Variants in FOXD3 observed in about 807,000 individuals in gnomAD.
FOXD3 encodes forkhead box protein D3.
FOXD3 carries 3 observed loss-of-function variants against 3.6 expected under a neutral mutation model. That is an observed-to-expected ratio of 0.84 (90% CI 0.38 to 2.18). The LOEUF is 2.18. Ranked by LOEUF, FOXD3 falls within the 30% of genes most tolerant of loss-of-function variation. The probability of loss-of-function intolerance (pLI) is 0.06; values close to 1 mark genes in which losing one functional copy is unlikely to be tolerated. For missense variants in FOXD3, 686 were observed against 731.6 expected (o/e 0.94, Z 0.72); for synonymous variants, 391 against 360.9 (o/e 1.08, Z -0.94).
chr1:63,324,228 T>C lies in FOXD3; in HGVS notation c.1170T>C (p.Ala390=). The change falls in exon 1 of 1, where the codon GCT becomes GCC. Residue 390 remains alanine (A), a synonymous_variant. Transcript: ENST00000371116. This position sits in a 1 kb window ranked among gnomAD's most constrained non-coding sequence, Gnocchi z 4.1. ...IENIIGGGPA[A]PGGSAVGAGV... is the part of the protein sequence containing the mutation. ...ACATCATAGGTGGGGGCCCCGCGGC[T>C]CCTGGGGGCTCGGCGGTGGGCGCTG... is the stretch of plus-strand genomic sequence containing the variant. 2 of 1,441,924 alleles carry C rather than the reference T, an allele frequency of 1.4e-6. No individual in the cohort carries two copies. The highest frequency in any genetic ancestry group is 1.8e-6 in the Non-Finnish European group (2 of 1,109,010). 89.3% of individuals were successfully genotyped at this position (1,441,924 alleles called of 1,614,324 possible). A position where few individuals can be genotyped will look rare whatever the true frequency, so the allele number is the denominator to read the frequency against.
In FOXD3 at chr1:63,323,332, C is replaced by G. The variant is rs1346457426; in HGVS notation, c.274C>G (p.Pro92Ala). The change falls in exon 1 of 1, where the codon CCG becomes GCG. Residue 92 changes from proline to alanine, a missense_variant. Pro to Ala is a conservative substitution (Grantham distance 27). Around this residue, in one of 3 missense-constraint regions of FOXD3, gnomAD observed 232 missense variants for 214.0 expected, o/e 1.08. Coordinates refer to ENST00000371116, the MANE Select transcript of FOXD3 (RefSeq NM_012183.3). This position sits in a 1 kb window ranked among gnomAD's most constrained non-coding sequence, Gnocchi z 6.8. The stretch of plus-strand genomic sequence containing the variant: ...GGAGGCGGCCGGAGCCGGGGCCGGA[C>G]CGGGGGGCGACGTGGGCGCGCCGGA... Reference protein sequence around the residue: ...PKEAAGAGAGPGGDVGAPEAD... With the variant: ...PKEAAGAGAGAGGDVGAPEAD... 1.5e-6 allele frequency: 2 copies of G among 1,355,082 alleles called. No homozygotes were observed. Among genetic ancestry groups the G allele is most frequent in the South Asian group, 3.9e-5 (2 of 51,456 alleles). 83.9% of individuals were successfully genotyped at this position (1,355,082 alleles called of 1,614,324 possible).
chr1:63,324,018 G>A lies in FOXD3; in HGVS notation c.960G>A (p.Leu320=). The A allele has an allele frequency of 2.2e-6, 3 of 1,359,828 alleles. No homozygotes were observed. Among genetic ancestry groups the A allele is most frequent in the South Asian group, 1.8e-5 (1 of 55,080 alleles). The allele number at this position is 1,359,828 out of a possible 1,614,324, so 84.2% of individuals were successfully genotyped here. A position where few individuals can be genotyped will look rare whatever the true frequency, so the allele number is the denominator to read the frequency against. Residue 320 remains leucine, a synonymous_variant, in exon 1 of 1, where the codon CTG becomes CTA. Coordinates refer to ENST00000371116, the MANE Select transcript of FOXD3 (RefSeq NM_012183.3). This position sits in a 1 kb window ranked among gnomAD's most constrained non-coding sequence, Gnocchi z 4.1. ...CGGTGCTGCCTCCCGCTGTGCCGCT[G>A]CTGCCCTCGGGCGAGCTGGGCCGCA... ...VAPVLPPAVP[L]LPSGELGRKA... is the part of the protein sequence containing the mutation.
rs368708902 is a variant in FOXD3, at chr1:63,322,880, GGCC to G, written c.-174_-172del. On this transcript the variant is annotated 5_prime_UTR_variant, in exon 1 of 1. Coordinates refer to ENST00000371116, the MANE Select transcript of FOXD3 (RefSeq NM_012183.3). ...GCAGAGCCCGCGCCACGCGATGCGGGGCCGCCGAGTGTGAGCTGAGCCCAGCGG... is the reference window on the plus strand; with the variant it reads ...GCAGAGCCCGCGCCACGCGATGCGGGGCCGAGTGTGAGCTGAGCCCAGCGG... 168 of 985,380 alleles carry G rather than the reference GGCC, an allele frequency of 1.7e-4. 4 individuals carry two copies. The East Asian group carries it at 0.014, about 85-fold the overall frequency. 61.0% of individuals were successfully genotyped at this position (985,380 alleles called of 1,614,324 possible).
Position 63,324,024 on chromosome 1 carries a change from C to G in FOXD3, c.966C>G (p.Pro322=). The G allele has an allele frequency of 7.3e-7, 1 of 1,368,436 alleles. No homozygotes were observed. The highest frequency in any genetic ancestry group is 9.4e-7 in the Non-Finnish European group (1 of 1,066,176). 84.8% of individuals were successfully genotyped at this position (1,368,436 alleles called of 1,614,324 possible). A position where few individuals can be genotyped will look rare whatever the true frequency, so the allele number is the denominator to read the frequency against. The change falls in exon 1 of 1, where the codon CCC becomes CCG. Residue 322 remains proline (P), a synonymous_variant. Coordinates refer to ENST00000371116, the MANE Select transcript of FOXD3 (RefSeq NM_012183.3). This position sits in a 1 kb window ranked among gnomAD's most constrained non-coding sequence, Gnocchi z 4.1. ...TGCCTCCCGCTGTGCCGCTGCTGCC[C>G]TCGGGCGAGCTGGGCCGCAAAGCGG... ...PVLPPAVPLL[P]SGELGRKAAA...
At position 63,323,011 on chromosome 1, in the gene FOXD3, C is replaced by T. The variant is rs72912791; in HGVS notation, c.-48C>T. The T allele has an allele frequency of 0.019, 29,100 of 1,508,552 alleles. 1,241 individuals carry two copies. The highest frequency in any genetic ancestry group is 0.13 in the South Asian group (10,800 of 81,826). 93.4% of individuals were successfully genotyped at this position (1,508,552 alleles called of 1,614,324 possible). On this transcript the variant is annotated 5_prime_UTR_variant, in exon 1 of 1. Transcript: ENST00000371116. The surrounding 1 kb of genome is among the most constrained non-coding windows in gnomAD (Gnocchi z 6.8). The stretch of plus-strand genomic sequence containing the variant: ...CTCCGTGGCAGCCCCCGAACACCCT[C>T]ATCGCCCGCTGCCCCCTCCCCGCCG...
chr1:63,324,563 C>T lies in FOXD3; in HGVS notation c.*68C>T, dbSNP rs1320877274. ...GAGCAACAAATGCACCTCCAGGCTG[C>T]GCGCCCTGTCCCAAGCCCGGTCCCG... On this transcript the variant is annotated 3_prime_UTR_variant, in exon 1 of 1. Transcript: ENST00000371116. The surrounding 1 kb of genome is among the most constrained non-coding windows in gnomAD (Gnocchi z 4.1). 3 of 1,217,908 alleles carry T rather than the reference C, an allele frequency of 2.5e-6. No individual in the cohort carries two copies. The highest frequency in any genetic ancestry group is 3.5e-6 in the Non-Finnish European group (3 of 859,282). 75.4% of individuals were successfully genotyped at this position (1,217,908 alleles called of 1,614,324 possible).
At position 63,324,456 on chromosome 1, in the gene FOXD3, T is replaced by C; in HGVS notation, c.1398T>C (p.Ala466=). Residue 466 remains alanine, a synonymous_variant, in exon 1 of 1, where the codon GCT becomes GCC. Coordinates refer to ENST00000371116, the MANE Select transcript of FOXD3 (RefSeq NM_012183.3). The surrounding 1 kb of genome is among the most constrained non-coding windows in gnomAD (Gnocchi z 4.1). ...FLQPAASAAA[A]AAAAAQAKWP... ...AGCCCGCAGCCTCGGCCGCCGCCGC[T>C]GCTGCGGCCGCCGCTCAAGCCAAAT... 1 of 1,537,872 alleles carries C rather than the reference T, an allele frequency of 6.5e-7. No individual in the cohort carries two copies. Among genetic ancestry groups the C allele is most frequent in the African/African-American group, 1.4e-5 (1 of 72,998 alleles).
Position 63,322,944 on chromosome 1 carries a change from G to GC in FOXD3, c.-109dup, listed in dbSNP as rs543752606. 2.1e-6 allele frequency: 3 copies of GC among 1,400,828 alleles called. No individual in the cohort carries two copies. The highest frequency in any genetic ancestry group is 2.8e-6 in the Non-Finnish European group (3 of 1,081,980). 86.8% of individuals were successfully genotyped at this position (1,400,828 alleles called of 1,614,324 possible). On this transcript the variant is annotated 5_prime_UTR_variant, in exon 1 of 1. Coordinates refer to ENST00000371116, the MANE Select transcript of FOXD3 (RefSeq NM_012183.3). The stretch of plus-strand genomic sequence containing the variant: ...ACCTGCGGCCCCCTCCCCTCTCCCT[G>GC]CCCCCCATCTTTCGGGGGCACTCAA...
In FOXD3 at chr1:63,322,933, C is replaced by G; in HGVS notation, c.-126C>G. 7.1e-7 allele frequency: 1 copy of G among 1,399,166 alleles called. No homozygotes were observed. The highest frequency in any genetic ancestry group is 9.2e-7 in the Non-Finnish European group (1 of 1,082,330). The allele number at this position is 1,399,166 out of a possible 1,614,324, so 86.7% of individuals were successfully genotyped here. On this transcript the variant is annotated 5_prime_UTR_variant, in exon 1 of 1. Transcript: ENST00000371116. ...GGCCCCAAGCCACCTGCGGCCCCCT[C>G]CCCTCTCCCTGCCCCCCATCTTTCG...
rs1557561812 is a variant in FOXD3, at chr1:63,323,957, C to T, written c.899C>T (p.Ala300Val). 2.4e-6 allele frequency: 3 copies of T among 1,244,434 alleles called. No homozygotes were observed. Among genetic ancestry groups the T allele is most frequent in the Non-Finnish European group, 3.0e-6 (3 of 999,818 alleles). 77.1% of individuals were successfully genotyped at this position (1,244,434 alleles called of 1,614,324 possible). A position where few individuals can be genotyped will look rare whatever the true frequency, so the allele number is the denominator to read the frequency against. Reference sequence around the variant, plus strand: ...GCGGCGGCCGCGGCTGCTGCGGCGGCGCTCCAGTACCCGTACGCGCTGCCG... The same window carrying T: ...GCGGCGGCCGCGGCTGCTGCGGCGGTGCTCCAGTACCCGTACGCGCTGCCG... ...AAAAAAAAAA[A>V]LQYPYALPPV... The change falls in exon 1 of 1, where the codon GCG (alanine) becomes GTG (valine). Residue 300 changes from alanine (A) to valine (V), a missense_variant. Ala to Val is a moderately conservative substitution (Grantham distance 64). Coordinates refer to ENST00000371116, the MANE Select transcript of FOXD3 (RefSeq NM_012183.3). This position sits in a 1 kb window ranked among gnomAD's most constrained non-coding sequence, Gnocchi z 6.8.
Position 63,322,624 on chromosome 1 carries a change from GC to G in FOXD3, c.-428del, listed in dbSNP as rs911078102. The stretch of plus-strand genomic sequence containing the variant: ...CGGCGTCCCTGACACCCAGCCCCCT[GC>G]CCCCCCGCTACTGTCCCTGCCCGCG... On this transcript the variant is annotated 5_prime_UTR_variant, in exon 1 of 1. Coordinates refer to ENST00000371116, the MANE Select transcript of FOXD3 (RefSeq NM_012183.3). The G allele has an allele frequency of 4.2e-6, 4 of 948,326 alleles. No homozygotes were observed. The highest frequency in any genetic ancestry group is 1.8e-5 in the African/African-American group (1 of 56,420). The allele number at this position is 948,326 out of a possible 1,614,324, so 58.7% of individuals were successfully genotyped here.
In FOXD3 at chr1:63,324,453, C is replaced by T. The variant is rs779197983; in HGVS notation, c.1395C>T (p.Ala465=). 5 of 1,538,948 alleles carry T rather than the reference C, an allele frequency of 3.2e-6. No individual in the cohort carries two copies. Among genetic ancestry groups the T allele is most frequent in the South Asian group, 2.4e-5 (2 of 84,174 alleles). Residue 465 remains alanine, a synonymous_variant, in exon 1 of 1, where the codon GCC becomes GCT. Coordinates refer to ENST00000371116, the MANE Select transcript of FOXD3 (RefSeq NM_012183.3). The surrounding 1 kb of genome is among the most constrained non-coding windows in gnomAD (Gnocchi z 4.1). Reference sequence around the variant, plus strand: ...TGCAGCCCGCAGCCTCGGCCGCCGCCGCTGCTGCGGCCGCCGCTCAAGCCA... The same window carrying T: ...TGCAGCCCGCAGCCTCGGCCGCCGCTGCTGCTGCGGCCGCCGCTCAAGCCA... ...QFLQPAASAA[A]AAAAAAQAKW... is the part of the protein sequence containing the mutation.
At position 63,323,428 on chromosome 1, in the gene FOXD3, AGCGGTTCG is replaced by A; in HGVS notation, c.375_382del (p.Ser126ArgfsTer219). The A allele has an allele frequency of 6.4e-7, 1 of 1,560,788 alleles. No homozygotes were observed. Among genetic ancestry groups the A allele is most frequent in the Non-Finnish European group, 8.6e-7 (1 of 1,156,534 alleles). ...GAGCGGCGGCGGGCCTGGCGCGGGC[AGCGGTTCG>A]GCGGGAGGCCTGGCCCCGAGCAAGC... On this transcript the variant is annotated frameshift_variant, in exon 1 of 1. Coordinates refer to ENST00000371116, the MANE Select transcript of FOXD3 (RefSeq NM_012183.3). LOFTEE classifies it low-confidence loss of function (END_TRUNC). The surrounding 1 kb of genome is among the most constrained non-coding windows in gnomAD (Gnocchi z 6.8).
Position 63,323,493 on chromosome 1 carries a change from G to T in FOXD3, c.435G>T (p.Ser145=). 1.2e-6 allele frequency: 2 copies of T among 1,613,980 alleles called. No individual in the cohort carries two copies. The highest frequency in any genetic ancestry group is 2.2e-5 in the East Asian group (1 of 44,842). ...PKNSLVKPPY[S]YIALITMAIL... is the part of the protein sequence containing the mutation. ...ACAGCCTAGTGAAGCCGCCTTACTC[G>T]TACATCGCGCTCATCACCATGGCCA... The change falls in exon 1 of 1, where the codon TCG becomes TCT. Residue 145 remains serine, a synonymous_variant. Transcript: ENST00000371116. The surrounding 1 kb of genome is among the most constrained non-coding windows in gnomAD (Gnocchi z 6.8).
At position 63,322,978 on chromosome 1, in the gene FOXD3, C is replaced by A. The variant is rs1647036811; in HGVS notation, c.-81C>A. On this transcript the variant is annotated 5_prime_UTR_variant, in exon 1 of 1. Transcript: ENST00000371116. ...CTTTCGGGGGCACTCAAACCCTCTTCCCCTGAGCTCCGTGGCAGCCCCCGA... is the reference window on the plus strand; with the variant it reads ...CTTTCGGGGGCACTCAAACCCTCTTACCCTGAGCTCCGTGGCAGCCCCCGA... 1 of 1,468,678 alleles carries A rather than the reference C, an allele frequency of 6.8e-7. No homozygotes were observed. The highest frequency in any genetic ancestry group is 1.5e-5 in the African/African-American group (1 of 68,704). The allele number at this position is 1,468,678 out of a possible 1,614,324, so 91.0% of individuals were successfully genotyped here.
In FOXD3 at chr1:63,323,491, T is replaced by C. The variant is rs1647045888; in HGVS notation, c.433T>C (p.Ser145Pro). The C allele has an allele frequency of 6.2e-7, 1 of 1,613,764 alleles. No homozygotes were observed. The highest frequency in any genetic ancestry group is 1.3e-5 in the African/African-American group (1 of 74,896). ...PKNSLVKPPYSYIALITMAIL... is the reference protein window; with the variant it reads ...PKNSLVKPPYPYIALITMAIL... Reference sequence around the variant, plus strand: ...GAACAGCCTAGTGAAGCCGCCTTACTCGTACATCGCGCTCATCACCATGGC... The same window carrying C: ...GAACAGCCTAGTGAAGCCGCCTTACCCGTACATCGCGCTCATCACCATGGC... Residue 145 changes from serine to proline, a missense_variant, in exon 1 of 1, where the codon TCG (serine) becomes CCG (proline). Transcript: ENST00000371116. The surrounding 1 kb of genome is among the most constrained non-coding windows in gnomAD (Gnocchi z 6.8).
In FOXD3 at chr1:63,323,595, G is replaced by A; in HGVS notation, c.537G>A (p.Arg179=). Residue 179 remains arginine (R), a synonymous_variant, in exon 1 of 1, where the codon AGG becomes AGA. Transcript: ENST00000371116. The surrounding 1 kb of genome is among the most constrained non-coding windows in gnomAD (Gnocchi z 6.8). ...TCAGCAACCGCTTCCCCTACTACAG[G>A]GAGAAGTTCCCCGCCTGGCAGAACA... ...EFISNRFPYY[R]EKFPAWQNSI... 1 of 1,614,114 alleles carries A rather than the reference G, an allele frequency of 6.2e-7. No homozygotes were observed. The highest frequency in any genetic ancestry group is 1.1e-5 in the South Asian group (1 of 91,084).
In FOXD3 at chr1:63,323,700, C is replaced by T. The variant is rs751333747; in HGVS notation, c.642C>T (p.Tyr214=). Residue 214 remains tyrosine, a synonymous_variant, in exon 1 of 1, where the codon TAC becomes TAT. Transcript: ENST00000371116. The surrounding 1 kb of genome is among the most constrained non-coding windows in gnomAD (Gnocchi z 6.8). ...CGGGCAACCCGGGCAAGGGCAACTA[C>T]TGGACCCTGGACCCGCAGTCCGAGG... ...REPGNPGKGN[Y]WTLDPQSEDM... 5.0e-6 allele frequency: 8 copies of T among 1,613,948 alleles called. No individual in the cohort carries two copies. The highest frequency in any genetic ancestry group is 6.8e-6 in the Non-Finnish European group (8 of 1,179,992).
At position 63,323,076 on chromosome 1, in the gene FOXD3, C is replaced by T. The variant is rs750114698; in HGVS notation, c.18C>T (p.Gly6=). MTLSG[G]GSASDMSGQT... ...GAGGAGGGATGACCCTCTCCGGCGGCGGCAGCGCCAGCGACATGTCCGGCC... is the reference window on the plus strand; with the variant it reads ...GAGGAGGGATGACCCTCTCCGGCGGTGGCAGCGCCAGCGACATGTCCGGCC... The change falls in exon 1 of 1, where the codon GGC becomes GGT. Residue 6 remains glycine, a synonymous_variant. Transcript: ENST00000371116. The surrounding 1 kb of genome is among the most constrained non-coding windows in gnomAD (Gnocchi z 6.8). 5.9e-5 allele frequency: 92 copies of T among 1,546,480 alleles called. No individual in the cohort carries two copies. The highest frequency in any genetic ancestry group is 7.5e-5 in the Non-Finnish European group (86 of 1,149,614).
Sources: gnomAD v4.1 joint callset for allele counts on GRCh38, gnomAD v4.1.1 for gene constraint, gnomAD v4.1.1 regional missense constraint, Gnocchi (gnomAD v3.1) non-coding constraint, MANE v1.5 for transcripts, NCBI Gene and HGNC (gene_info 2026-07-23, HGNC 2026-07-21) for gene names.